PKHD1: variants seen among roughly 807,000 people sequenced by gnomAD.
PKHD1 encodes PKHD1 ciliary IPT domain containing fibrocystin/polyductin.
PKHD1 carries 291 observed loss-of-function variants against 412.0 expected under a neutral mutation model. The observed-to-expected ratio is 0.71, with a 90% CI of 0.64 to 0.78. The LOEUF is 0.78. PKHD1 is among the 30% of genes least tolerant of loss of function. PKHD1 has a pLI of 0.00. For synonymous variants in PKHD1, 1,777 were observed against 1,821.5 expected (o/e 0.98, Z 0.62); for missense variants, 4,825 against 4,950.7 (o/e 0.97, Z 0.76).
chr6:51,957,782 A>T lies in PKHD1; in HGVS notation c.5908+2088T>A, dbSNP rs187208714. Among the ~76,000 whole-genome samples the T allele has an allele frequency of 2.7e-3, 413 of 152,112 alleles. 2 individuals are homozygous for T. Among genetic ancestry groups the T allele is most frequent in the Non-Finnish European group, 3.5e-3 (236 of 67,962 alleles). On this transcript the variant is annotated intron_variant, in intron 36 of 66. Coordinates refer to ENST00000371117, the MANE Select transcript of PKHD1 (RefSeq NM_138694.4). ...GTGATCGCAATATGTCTCAGACACA[A>T]ATGATCTGCCCTTCACCTCCTCTCC...
At chr6:51,663,810 A>T (rs945414330) in intron 60 of PKHD1, among the ~76,000 whole-genome samples, 3 of 152,144 alleles carry the variant, frequency 2.0e-5, no homozygotes, top group African/African-American at 7.2e-5. Context: ...ATGTTAGGCA[A>T]TACTGTAATA....
At chr6:51,880,740 C>A in intron 46 of PKHD1, among the ~76,000 whole-genome samples, 1 of 37,570 alleles carries the variant, frequency 2.7e-5, no homozygotes, top group Non-Finnish European at 4.0e-5. Flanking sequence ...ACAATGTGCA[C>A]ATGTACCCTA....
intron 35 of PKHD1, among the ~76,000 whole-genome samples, chr6:51,963,605 A>T (rs1291254391): frequency 1.3e-5 from 2 of 152,032 alleles, no homozygotes; most frequent in Non-Finnish European, 1.5e-5. Flanking sequence ...GCTCTCCTAC[A>T]TTTTCAGTTA....
At chr6:51,683,479 T>A (rs546582480) in intron 60 of PKHD1, among the ~76,000 whole-genome samples, 54 of 152,172 alleles carry the variant, frequency 3.5e-4, no homozygotes, top group Admixed American at 3.5e-3. Flanking sequence ...AGGCTCAGGA[T>A]GGGAAAGTAT....
Position 51,901,406 on chromosome 6 carries a change from AAACTATCGCAAG to A in PKHD1, c.6996+2179_6996+2190del, listed in dbSNP as rs1429230416. Among the ~76,000 whole-genome samples the A allele has an allele frequency of 2.5e-3, 374 of 152,236 alleles. 3 individuals are homozygous for A. Among genetic ancestry groups the A allele is most frequent in the African/African-American group, 8.0e-3 (334 of 41,528 alleles). On this transcript the variant is annotated intron_variant, in intron 43 of 66. Coordinates refer to ENST00000371117, the MANE Select transcript of PKHD1 (RefSeq NM_138694.4). The stretch of plus-strand genomic sequence containing the variant: ...GAAATTGGAAATCATCATTCTCAGT[AAACTATCGCAAG>A]AACAAAAAACCAAACACCGCATATT...
intron 53 of PKHD1, among the ~76,000 whole-genome samples, chr6:51,783,853 T>C (rs73428030): frequency 3.2e-4 from 49 of 152,314 alleles, no homozygotes; most frequent in African/African-American, 1.2e-3. Context: ...TAACTCCTTT[T>C]TTCCTTTCAC....
In PKHD1 at chr6:52,033,191, A is replaced by G. The variant is rs762352432; in HGVS notation, c.3229-26T>C. 17 of 1,595,258 alleles carry G rather than the reference A, an allele frequency of 1.1e-5. No individual in the cohort carries two copies. In the South Asian group the frequency reaches 1.8e-4, roughly 17 times the overall value. On this transcript the variant is annotated intron_variant, in intron 28 of 66. Transcript: ENST00000371117. The stretch of plus-strand genomic sequence containing the variant: ...CTGAAAAATCAATTTTAAAAATTAA[A>G]CCTCAGTTTTATTTTAAAGTAGGAC...
intron 34 of PKHD1, among the ~76,000 whole-genome samples, chr6:52,016,351 A>C (rs917228711): frequency 2.6e-5 from 4 of 152,158 alleles, no homozygotes; most frequent in African/African-American, 9.7e-5. Flanking sequence ...TTATAAGAAA[A>C]GAGGCGGGGC....
At position 52,062,679 on chromosome 6, in the gene PKHD1, G is replaced by A. The variant is rs376967738; in HGVS notation, c.977-19C>T. The A allele has an allele frequency of 6.7e-5, 108 of 1,613,650 alleles. No individual in the cohort carries two copies. Among genetic ancestry groups the A allele is most frequent in the African/African-American group, 3.7e-4 (28 of 74,956 alleles). On this transcript the variant is annotated intron_variant, in intron 13 of 66. Coordinates refer to ENST00000371117, the MANE Select transcript of PKHD1 (RefSeq NM_138694.4). ...CGATTGCCTGTAAGACATGTAGATCGCATAAACATTACAGGGCGCACCTTC... is the reference window on the plus strand; with the variant it reads ...CGATTGCCTGTAAGACATGTAGATCACATAAACATTACAGGGCGCACCTTC...
At chr6:51,879,026 A>G in intron 46 of PKHD1, among the ~76,000 whole-genome samples, 1 of 90,536 alleles carries the variant, frequency 1.1e-5, no homozygotes, top group Non-Finnish European at 2.0e-5. Flanking sequence ...TGCTTCAAAG[A>G]GAATAAAATA....
In PKHD1 at chr6:52,058,426, C is replaced by T. The variant is rs776845008; in HGVS notation, c.1409G>A (p.Gly470Asp). The change falls in exon 16 of 67, where the codon GGT (glycine) becomes GAT (aspartate). Residue 470 changes from glycine (G) to aspartate (D), a missense_variant. Coordinates refer to ENST00000371117, the MANE Select transcript of PKHD1 (RefSeq NM_138694.4). ...GIAPSRGMRIGVQIHNTWLNP... is the reference protein window; with the variant it reads ...GIAPSRGMRIDVQIHNTWLNP... Reference sequence around the variant, plus strand: ...CAGCCAGGTGTTGTGAATCTGGACACCAATCCTCATCCCCCTGCTTGGGGC... The same window carrying T: ...CAGCCAGGTGTTGTGAATCTGGACATCAATCCTCATCCCCCTGCTTGGGGC... The T allele has an allele frequency of 1.6e-5, 26 of 1,614,038 alleles. No individual in the cohort carries two copies. The highest frequency in any genetic ancestry group is 2.2e-5 in the Non-Finnish European group (26 of 1,180,014).
chr6:51,806,348 G>C (rs1339514830), intron 52 of PKHD1, among the ~76,000 whole-genome samples: 1 of 152,168 alleles, frequency 6.6e-6, no homozygotes, highest in Non-Finnish European at 1.5e-5. Context: ...GCCAGGATTG[G>C]ATAAAGTGTC....
chr6:51,638,767 T>C (rs1768922035), intron 64 of PKHD1, 82 bp downstream of exon 64: 1 of 833,622 alleles, frequency 1.2e-6, no homozygotes, highest in Admixed American at 2.0e-5. Context: ...ATAGTAGCTA[T>C]TCCCACTATA....
rs1582054028 is a variant in PKHD1, at chr6:52,065,056, G to A, written c.881-6C>T. On this transcript the variant is annotated splice_region_variant and splice_polypyrimidine_tract_variant and intron_variant, in intron 12 of 66. Transcript: ENST00000371117. ...TCTAATATCACATGGAATGCCTAAA[G>A]CGAATTAAAGAAATTTATGTATGTG... is the stretch of plus-strand genomic sequence containing the variant. 6.6e-7 allele frequency: 1 copy of A among 1,522,348 alleles called. No homozygotes were observed. Among genetic ancestry groups the A allele is most frequent in the East Asian group, 2.5e-5 (1 of 40,224 alleles). The allele number at this position is 1,522,348 out of a possible 1,614,324, so 94.3% of individuals were successfully genotyped here.
At chr6:51,924,274 T>C (rs1785179240) in intron 37 of PKHD1, among the ~76,000 whole-genome samples, 1 of 152,012 alleles carries the variant, frequency 6.6e-6, no homozygotes, top group Non-Finnish European at 1.5e-5. Context: ...TTTCTTGTGG[T>C]ACTCAAAAAT....
intron 52 of PKHD1, among the ~76,000 whole-genome samples, chr6:51,822,441 T>C (rs955976760): frequency 6.6e-6 from 1 of 152,200 alleles, no homozygotes; most frequent in African/African-American, 2.4e-5. Context: ...GTCCTGGTTC[T>C]AATTTCATGA....
chr6:51,835,405 T>C (rs1769026978), intron 51 of PKHD1, among the ~76,000 whole-genome samples: 1 of 152,226 alleles, frequency 6.6e-6, no homozygotes, highest in African/African-American at 2.4e-5. Flanking sequence ...CTTTTCCTTA[T>C]AACAGTAATT....
intron 35 of PKHD1, among the ~76,000 whole-genome samples, chr6:51,967,153 AT>A (rs1292706616): frequency 6.6e-6 from 1 of 151,994 alleles, no homozygotes; most frequent in Non-Finnish European, 1.5e-5. Context: ...GAAAAAAAAA[AT>A]CAAGGAAAAC....
intron 35 of PKHD1, among the ~76,000 whole-genome samples, chr6:51,967,148 A>C (rs2127978412): frequency 6.6e-6 from 1 of 152,292 alleles, no homozygotes; most frequent in Non-Finnish European, 1.5e-5. Context: ...TCATAGAAAA[A>C]AAAAATCAAG....
Sources: gnomAD v4.1 joint callset for allele counts (sites outside exome capture counted in the v4.1 genomes callset) on GRCh38, gnomAD v4.1.1 for gene constraint, MANE v1.5 for transcripts, NCBI Gene and HGNC (gene_info 2026-07-23, HGNC 2026-07-21) for gene names.